IL1RAPL1: variants seen among roughly 807,000 people sequenced by gnomAD.
The protein encoded by IL1RAPL1 is interleukin-1 receptor accessory protein-like 1.
In IL1RAPL1, 3 loss-of-function variants were observed where a neutral mutation model predicts 48.4. The observed-to-expected ratio is 0.06, with a 90% CI of 0.03 to 0.16. The LOEUF is 0.16. Among genes scored for constraint, IL1RAPL1 ranks in the 10% least tolerant of loss-of-function variants. The pLI, the probability that IL1RAPL1 is intolerant of heterozygous loss-of-function variation, is 1.00. For synonymous variants in IL1RAPL1, 185 were observed against 187.7 expected (o/e 0.99, Z 0.12); for missense variants, 349 against 530.6 (o/e 0.66, Z 3.36).
chrX:29,102,824 T>C (rs1391142096), intron 2 of IL1RAPL1, among the ~76,000 whole-genome samples: 2 of 111,714 alleles, frequency 1.8e-5, no homozygotes, highest in African/African-American at 6.5e-5. Context: ...AGCATTTCTA[T>C]ATGCCAACAA....
chrX:29,349,575 T>C lies in IL1RAPL1; in HGVS notation c.363-46683T>C, dbSNP rs548639330. ...AGGCTTTCATTTTGGGGCATTGTTT[T>C]CTGAGCCCCAACGAGTCTATGACAT... is the stretch of plus-strand genomic sequence containing the variant. On this transcript the variant is annotated intron_variant, in intron 3 of 10. Transcript: ENST00000378993. Among the ~76,000 whole-genome samples, 6 of 111,567 alleles carry C rather than the reference T, an allele frequency of 5.4e-5. No homozygotes were observed. The South Asian group carries it at 2.3e-3, about 42-fold the overall frequency.
intron 1 of IL1RAPL1, among the ~76,000 whole-genome samples, chrX:28,713,757 A>G (rs1416057994): frequency 8.9e-6 from 1 of 112,019 alleles, no homozygotes; most frequent in Admixed American, 9.5e-5. Context: ...CAATTGACAT[A>G]TAAAAGAAAC....
intron 3 of IL1RAPL1, among the ~76,000 whole-genome samples, chrX:29,291,580 G>A (rs1466063287): frequency 3.7e-5 from 4 of 107,625 alleles, no homozygotes; most frequent in African/African-American, 1.0e-4. Context: ...GACAGACCCC[G>A]GTATGTGATG....
chrX:29,910,384 T>TA (rs545061186), intron 6 of IL1RAPL1, among the ~76,000 whole-genome samples: 3,023 of 106,202 alleles, frequency 0.028, 106 homozygotes, highest in African/African-American at 0.097. Context: ...AGTAAAAATT[T>TA]AAAAAAAAAA....
At chrX:29,369,522 G>C (rs1005347854) in intron 3 of IL1RAPL1, 2 of 111,578 alleles carry the variant, frequency 1.8e-5, no homozygotes, top group Non-Finnish European at 3.8e-5. Flanking sequence ...CCACTACATT[G>C]ATGACTATTT....
chrX:28,811,773 T>G (rs1381821874), intron 2 of IL1RAPL1, among the ~76,000 whole-genome samples: 1 of 111,258 alleles, frequency 9.0e-6, no homozygotes, highest in Non-Finnish European at 1.9e-5. Context: ...TGTGCAAGAC[T>G]TAAGGTAACC....
chrX:29,837,272 A>AAAAAAAAAAATAT (rs1447926305), intron 6 of IL1RAPL1, among the ~76,000 whole-genome samples: 1 of 72,144 alleles, frequency 1.4e-5, no homozygotes, highest in African/African-American at 5.9e-5. Context: ...AAAAAAAAAA[A>AAAAAAAAAAATAT]ATATATATAT....
chrX:29,205,098 T>G (rs756847864), intron 2 of IL1RAPL1, among the ~76,000 whole-genome samples: 139 of 111,361 alleles, frequency 1.2e-3, no homozygotes, highest in Non-Finnish European at 2.2e-3. Context: ...AGTCTCTTAT[T>G]ATGGGGGGTA....
chrX:29,534,734 C>T (rs1290970583), intron 5 of IL1RAPL1, among the ~76,000 whole-genome samples: 3 of 109,942 alleles, frequency 2.7e-5, no homozygotes, highest in East Asian at 2.9e-4. Context: ...TTTGGGAGGC[C>T]GAAGCGGGCA....
chrX:29,556,711 T>G (rs1340013149), intron 5 of IL1RAPL1, among the ~76,000 whole-genome samples: 1 of 111,349 alleles, frequency 9.0e-6, no homozygotes, highest in Non-Finnish European at 1.9e-5. Flanking sequence ...GTGATGAGTC[T>G]ACAGTGTGGG....
intron 2 of IL1RAPL1, among the ~76,000 whole-genome samples, chrX:29,221,668 CACACAT>C (rs1463409964): frequency 1.0e-4 from 9 of 86,877 alleles, no homozygotes; most frequent in East Asian, 3.6e-4. Context: ...CACACACACA[CACACAT>C]ATGACAGACT....
At chrX:29,497,978 T>A (rs1237576608) in intron 5 of IL1RAPL1, among the ~76,000 whole-genome samples, 1 of 111,723 alleles carries the variant, frequency 9.0e-6, no homozygotes, top group Non-Finnish European at 1.9e-5. Flanking sequence ...AAAATCTTAA[T>A]GAGAAAGAGA....
chrX:28,762,799 C>T (rs1408164360), intron 1 of IL1RAPL1, among the ~76,000 whole-genome samples: 1 of 68,132 alleles, frequency 1.5e-5, no homozygotes, highest in Admixed American at 1.9e-4. Flanking sequence ...CACACACACA[C>T]ACACACACAC....
intron 2 of IL1RAPL1, among the ~76,000 whole-genome samples, chrX:28,990,539 T>TG (rs1925579448): frequency 8.9e-6 from 1 of 111,853 alleles, no homozygotes; most frequent in Non-Finnish European, 1.9e-5. Context: ...TCCTACTTAG[T>TG]TTTTTCCTGT....
intron 6 of IL1RAPL1, among the ~76,000 whole-genome samples, chrX:29,750,839 G>A (rs996810985): frequency 4.5e-5 from 5 of 110,942 alleles, no homozygotes; most frequent in African/African-American, 1.3e-4. Flanking sequence ...GCCATGGAAC[G>A]AAACATATGT....
chrX:29,634,291 A>C (rs768342277), intron 5 of IL1RAPL1, among the ~76,000 whole-genome samples: 4 of 111,498 alleles, frequency 3.6e-5, no homozygotes, highest in Non-Finnish European at 7.5e-5. Flanking sequence ...TCTTAGATCA[A>C]TGTCCCCACT....
chrX:28,948,435 G>T (rs191718582), intron 2 of IL1RAPL1, among the ~76,000 whole-genome samples: 8 of 110,205 alleles, frequency 7.3e-5, no homozygotes, highest in Non-Finnish European at 1.5e-4. Context: ...TCTCTCCCCA[G>T]TCCTCAGGAG....
At position 29,309,420 on chromosome X, in the gene IL1RAPL1, A is replaced by G. The variant is rs767575730; in HGVS notation, c.362+26203A>G. On this transcript the variant is annotated intron_variant, in intron 3 of 10. Coordinates refer to ENST00000378993, the MANE Select transcript of IL1RAPL1 (RefSeq NM_014271.4). ...ATTGGATTTCAAAAGAATGGCTTCC[A>G]GGTGCTTGAGAAAGACATTCCAGGG... is the stretch of plus-strand genomic sequence containing the variant. 3.6e-5 allele frequency among the ~76,000 whole-genome samples: 4 copies of G among 111,773 alleles called. No individual in the cohort carries two copies. The East Asian group carries it at 1.1e-3, about 32-fold the overall frequency.
At chrX:29,421,609 A>G (rs1373653509) in intron 5 of IL1RAPL1, among the ~76,000 whole-genome samples, 3 of 110,409 alleles carry the variant, frequency 2.7e-5, no homozygotes, top group Non-Finnish European at 3.8e-5. Flanking sequence ...GAGAGAGAGA[A>G]AAAAAAAATC....
Sources: gnomAD v4.1 joint callset for allele counts (sites outside exome capture counted in the v4.1 genomes callset) on GRCh38, gnomAD v4.1.1 for gene constraint, MANE v1.5 for transcripts, NCBI Gene and HGNC (gene_info 2026-07-23, HGNC 2026-07-21) for gene names.